Variants in NCOA3 observed in about 807,000 individuals in gnomAD.
The protein encoded by NCOA3 is nuclear receptor coactivator 3.
NCOA3 carries 51 observed loss-of-function variants against 158.8 expected under a neutral mutation model. The observed-to-expected ratio is 0.32, with a 90% CI of 0.26 to 0.41. NCOA3 has a LOEUF of 0.41. Ranked by LOEUF, NCOA3 falls within the 10% of genes least tolerant of loss-of-function variation. The pLI, the probability that NCOA3 is intolerant of heterozygous loss-of-function variation, is 1.00. For synonymous variants in NCOA3, 537 were observed against 592.4 expected, an observed-to-expected ratio of 0.91 and a Z score of 1.36; for missense variants, 1,510 against 1,746.6, an observed-to-expected ratio of 0.86 and a Z score of 2.41.
chr20:47,520,127 G>C (rs149047859), intron 1 of NCOA3, among the ~76,000 whole-genome samples: 4 of 150,424 alleles, frequency 2.7e-5, no homozygotes, highest in Admixed American at 2.7e-4. Flanking sequence ...CAGTGCTTTC[G>C]GGCTACACCC....
At chr20:47,571,158 C>T (rs963851537) in intron 1 of NCOA3, among the ~76,000 whole-genome samples, 2 of 151,194 alleles carry the variant, frequency 1.3e-5, no homozygotes, top group Non-Finnish European at 3.0e-5. Context: ...GTGTGTGCCA[C>T]CACGCCTGGC....
intron 1 of NCOA3, among the ~76,000 whole-genome samples, chr20:47,527,330 T>G (rs778540707): frequency 6.6e-6 from 1 of 152,236 alleles, no homozygotes; most frequent in African/African-American, 2.4e-5. Flanking sequence ...GAATTTCATA[T>G]AAATCCCATG....
At chr20:47,511,550 T>TATATATATACACACACATACAC in intron 1 of NCOA3, among the ~76,000 whole-genome samples, 2 of 52,270 alleles carry the variant, frequency 3.8e-5, no homozygotes, top group South Asian at 9.4e-4. Flanking sequence ...TATATATATA[T>TATATATATACACACACATACAC]ATATATTTCT....
chr20:47,637,572 A>T, intron 12 of NCOA3, 76 bp from the exon 13 acceptor site: 1 of 1,203,158 alleles, frequency 8.3e-7, no homozygotes, highest in African/African-American at 1.6e-5. Flanking sequence ...TTCATGTATC[A>T]TTTTTTCTGA....
intron 1 of NCOA3, among the ~76,000 whole-genome samples, chr20:47,540,775 C>G (rs1057204205): frequency 6.6e-6 from 1 of 151,990 alleles, no homozygotes; most frequent in Non-Finnish European, 1.5e-5. Context: ...AGAGGTTTAA[C>G]AAGGCAGTGA....
intron 3 of NCOA3, among the ~76,000 whole-genome samples, chr20:47,623,229 A>G (rs1377776095): frequency 1.3e-5 from 2 of 152,206 alleles, no homozygotes; most frequent in Admixed American, 1.3e-4. Context: ...AAAAATATCA[A>G]TCTACAATGA....
chr20:47,623,671 C>T (rs1444652728), intron 3 of NCOA3, among the ~76,000 whole-genome samples: 1 of 152,048 alleles, frequency 6.6e-6, no homozygotes, highest in Admixed American at 6.6e-5. Flanking sequence ...GCCTGTAATC[C>T]CAGCTACTGG....
intron 2 of NCOA3, among the ~76,000 whole-genome samples, chr20:47,603,129 A>G (rs1432706159): frequency 6.6e-6 from 1 of 152,246 alleles, no homozygotes; most frequent in African/African-American, 2.4e-5. Context: ...TTTAAGTGCC[A>G]TAAGAACAAT....
chr20:47,598,681 A>G (rs2085805587), intron 2 of NCOA3, among the ~76,000 whole-genome samples: 1 of 152,212 alleles, frequency 6.6e-6, no homozygotes, highest in African/African-American at 2.4e-5. Flanking sequence ...TCATTTAAGA[A>G]TATACATAAT....
chr20:47,621,022 A>G (rs2086232013), intron 2 of NCOA3, among the ~76,000 whole-genome samples: 1 of 152,196 alleles, frequency 6.6e-6, no homozygotes, highest in African/African-American at 2.4e-5. Context: ...ACTACTAATA[A>G]AGGTTATTTT....
At chr20:47,613,496 G>GA (rs11086218) in intron 2 of NCOA3, among the ~76,000 whole-genome samples, 41,457 of 129,210 alleles carry the variant, frequency 0.32, 6,400 homozygotes, top group East Asian at 0.6. Context: ...GAATTAAATT[G>GA]AAAAAAAAAA....
chr20:47,638,943 G>GT, intron 13 of NCOA3, 65 bp from the exon 14 acceptor site: 1 of 1,319,320 alleles, frequency 7.6e-7, no homozygotes, highest in Non-Finnish European at 1.0e-6. Context: ...TGGTATTTGT[G>GT]TTTTGTACTT....
At chr20:47,507,049 C>T (rs941439184) in intron 1 of NCOA3, among the ~76,000 whole-genome samples, 1 of 152,102 alleles carries the variant, frequency 6.6e-6, no homozygotes, top group African/African-American at 2.4e-5. Context: ...GCTTTGGTGG[C>T]TATGGCAGCT....
chr20:47,594,256 C>A (rs892407345), intron 2 of NCOA3, among the ~76,000 whole-genome samples: 5 of 152,104 alleles, frequency 3.3e-5, no homozygotes, highest in African/African-American at 1.2e-4. Context: ...CAGGTTCTTT[C>A]CAGCTTTAAT....
intron 2 of NCOA3, among the ~76,000 whole-genome samples, chr20:47,614,672 A>G (rs764304967): frequency 6.6e-6 from 1 of 152,144 alleles, no homozygotes; most frequent in Non-Finnish European, 1.5e-5. Context: ...TTTAAGGTAT[A>G]GTTTGTATAT....
intron 1 of NCOA3, among the ~76,000 whole-genome samples, chr20:47,535,240 A>T (rs1043951217): frequency 1.3e-5 from 2 of 152,132 alleles, no homozygotes; most frequent in Admixed American, 1.3e-4. Context: ...TAGGGGGAGC[A>T]TGCAGACGGA....
intron 2 of NCOA3, among the ~76,000 whole-genome samples, chr20:47,617,479 T>G (rs2086158570): frequency 6.6e-6 from 1 of 152,360 alleles, no homozygotes; most frequent in South Asian, 2.1e-4. Flanking sequence ...ATCTTCATTC[T>G]TGACTGTTGA....
chr20:47,600,168 A>AT (rs1238179332), intron 2 of NCOA3, among the ~76,000 whole-genome samples: 11 of 142,450 alleles, frequency 7.7e-5, no homozygotes, highest in African/African-American at 2.5e-4. Flanking sequence ...TTATATATAT[A>AT]TATTTTTTTA....
rs992644235 is a variant in NCOA3 at position 47,655,099 on chromosome 20, CA to C, written c.*1683del. On this transcript the variant is annotated 3_prime_UTR_variant, in exon 23 of 23. Transcript: ENST00000371998. ...TTCTTAAGTAACTCAGTACCCAGAA[CA>C]GCCAGTTTTACTGTGATTCAGAGCC... The C allele has an allele frequency of 6.2e-4, 95 of 152,322 alleles. No individual in the cohort carries two copies. The highest frequency in any genetic ancestry group is 2.0e-3 in the African/African-American group (82 of 41,570). The allele number at this position is 152,322 out of a possible 1,614,324, so 9.4% of individuals were successfully genotyped here.
Sources: allele counts gnomAD v4.1 joint callset (sites outside exome capture counted in the v4.1 genomes callset), GRCh38; gene constraint gnomAD v4.1.1; transcripts MANE v1.5; gene names NCBI Gene and HGNC (gene_info 2026-07-23, HGNC 2026-07-21).